The following ALG1L2 variants were observed in gnomAD, a reference collection of about 807,000 sequenced individuals.
The protein encoded by ALG1L2 is putative glycosyltransferase ALG1L2.
A neutral mutation model predicts 29.0 loss-of-function variants in ALG1L2; 32 were observed. The observed-to-expected ratio is 1.10, with a 90% CI of 0.83 to 1.48. ALG1L2 has a LOEUF of 1.48. ALG1L2 is among the 40% of genes most tolerant of loss of function. The pLI is 0.00. For synonymous variants in ALG1L2, 110 were observed against 109.5 expected (o/e 1.00, Z -0.03); for missense variants, 318 against 274.1 (o/e 1.16, Z -1.13).
At chr3:130,093,221 C>G in intron 4 of ALG1L2, 61 bp downstream of exon 4, 1 of 1,553,902 alleles carries the variant, frequency 6.4e-7, no homozygotes, top group Non-Finnish European at 8.9e-7. Context: ...GAGGGGCACA[C>G]AGCCTTTACC....
rs372463963 is a variant in ALG1L2, at chr3:130,082,148, G to A, written c.20+112G>A. 950 of 1,308,916 alleles carry A rather than the reference G, an allele frequency of 7.3e-4. 2 individuals are homozygous for A. In the African/African-American group the frequency reaches 0.011, roughly 15 times the overall value. 81.1% of individuals were successfully genotyped at this position (1,308,916 alleles called of 1,614,324 possible). A position where few individuals can be genotyped will look rare whatever the true frequency, so the allele number is the denominator to read the frequency against. On this transcript the variant is annotated intron_variant, in intron 1 of 7. Coordinates refer to ENST00000425059, the MANE Select transcript of ALG1L2 (RefSeq NM_001136152.1). ...GAAATCAGGGTACAGGCAGTCCTCCGGAGTAGAAATGAGGAAGGTGCCAAC... is the reference window on the plus strand; with the variant it reads ...GAAATCAGGGTACAGGCAGTCCTCCAGAGTAGAAATGAGGAAGGTGCCAAC...
chr3:130,097,344 G>C, intron 7 of ALG1L2, 94 bp downstream of exon 7: 1 of 1,526,268 alleles, frequency 6.6e-7, no homozygotes, highest in Non-Finnish European at 8.7e-7. Flanking sequence ...AGCCAGGGTG[G>C]GACCATGCGG....
chr3:130,094,318 C>T, intron 4 of ALG1L2, 85 bp from the exon 5 acceptor site: 4 of 1,513,674 alleles, frequency 2.6e-6, no homozygotes, highest in Non-Finnish European at 3.6e-6. Context: ...AAAAGGATCC[C>T]TCCTAGGGGG....
rs757436372 is a variant in ALG1L2, at chr3:130,094,547, G to A, written c.424+34G>A. 1.0e-5 allele frequency: 16 copies of A among 1,561,360 alleles called. No individual in the cohort carries two copies. The East Asian group carries it at 2.7e-4, about 26-fold the overall frequency. ...CCAGCAGGAGGCTCAGGGAGGAGGC[G>A]GGGCCTTATGCAGGGGGAACAGGGG... On this transcript the variant is annotated intron_variant, in intron 5 of 7. Coordinates refer to ENST00000425059, the MANE Select transcript of ALG1L2 (RefSeq NM_001136152.1).
chr3:130,096,171 C>A lies in ALG1L2; in HGVS notation c.539+8C>A. 1 of 1,611,472 alleles carries A rather than the reference C, an allele frequency of 6.2e-7. No homozygotes were observed. The highest frequency in any genetic ancestry group is 2.2e-5 in the East Asian group (1 of 44,854). ...TGCCGTGAACTTCAAGTGGTAGGAG[C>A]AGAACCCGAATTTTTTCTGGGGATA... On this transcript the variant is annotated splice_region_variant and intron_variant, in intron 6 of 7. Transcript: ENST00000425059.
chr3:130,090,922 C>G, intron 1 of ALG1L2: 1 of 301,304 alleles, frequency 3.3e-6, no homozygotes. Flanking sequence ...GAGCAACAGA[C>G]TAAGACATTC....
chr3:130,087,499 C>CATA (rs1934917458), intron 1 of ALG1L2, among the ~76,000 whole-genome samples: 32 of 148,630 alleles, frequency 2.2e-4, no homozygotes, highest in Admixed American at 7.5e-4. Context: ...TGAATGAGGT[C>CATA]CATTAGAAAA....
rs1319154885 is a variant in ALG1L2, at chr3:130,084,503, C to T, written c.20+2467C>T. ...TTACTGAACCTCTCTGTGCTGCAGA[C>T]ATCATGGATAAAAAGAAGCTAAAAT... is the stretch of plus-strand genomic sequence containing the variant. On this transcript the variant is annotated intron_variant, in intron 1 of 7. Transcript: ENST00000425059. Among the ~76,000 whole-genome samples the T allele has an allele frequency of 8.3e-5, 11 of 132,452 alleles. 2 individuals carry two copies. The highest frequency in any genetic ancestry group is 1.7e-4 in the Non-Finnish European group (10 of 57,184). The allele number at this position is 132,452 out of a possible 152,430, so 86.9% of individuals were successfully genotyped here. A position where few individuals can be genotyped will look rare whatever the true frequency, so the allele number is the denominator to read the frequency against.
In ALG1L2 at chr3:130,092,233, C is replaced by T; in HGVS notation, c.253+11C>T. On this transcript the variant is annotated intron_variant, in intron 3 of 7. Coordinates refer to ENST00000425059, the MANE Select transcript of ALG1L2 (RefSeq NM_001136152.1). ...GCACAAGCTGGACAGGTCTGCATGACCACTGGGGCACTTGGGGTTGGTGTG... is the reference window on the plus strand; with the variant it reads ...GCACAAGCTGGACAGGTCTGCATGATCACTGGGGCACTTGGGGTTGGTGTG... 2 of 1,606,702 alleles carry T rather than the reference C, an allele frequency of 1.2e-6. No individual in the cohort carries two copies. Among genetic ancestry groups the T allele is most frequent in the African/African-American group, 2.7e-5 (2 of 74,784 alleles).
chr3:130,097,077 C>G, intron 6 of ALG1L2, 98 bp from the exon 7 acceptor site: 1 of 1,549,710 alleles, frequency 6.5e-7, no homozygotes. Flanking sequence ...AACCCCCAGC[C>G]TGGCTTGAGC....
intron 6 of ALG1L2, 106 bp downstream of exon 6, chr3:130,096,269 C>T (rs939691281): frequency 4.8e-5 from 61 of 1,281,850 alleles, no homozygotes; most frequent in Non-Finnish European, 5.9e-5. Flanking sequence ...GCCCCTCGGT[C>T]AGTCCAGCAC....
chr3:130,095,247 T>C (rs995975915), intron 5 of ALG1L2, among the ~76,000 whole-genome samples: 2 of 152,040 alleles, frequency 1.3e-5, no homozygotes, highest in Non-Finnish European at 2.9e-5. Context: ...GCCAGGCTGG[T>C]CTTGAACTCC....
At position 130,097,306 on chromosome 3, in the gene ALG1L2, G is replaced by A. The variant is rs7650058; in HGVS notation, c.615+56G>A. On this transcript the variant is annotated intron_variant, in intron 7 of 7. Coordinates refer to ENST00000425059, the MANE Select transcript of ALG1L2 (RefSeq NM_001136152.1). Reference sequence around the variant, plus strand: ...ACAGGGTTCTGGAGACTGGCACCGAGCCATGCTCCCTGATCCCTGTTTCAC... The same window carrying A: ...ACAGGGTTCTGGAGACTGGCACCGAACCATGCTCCCTGATCCCTGTTTCAC... The A allele has an allele frequency of 2.6e-3, 4,186 of 1,591,544 alleles. 84 individuals carry two copies. The African/African-American group carries it at 0.049, about 19-fold the overall frequency.
intron 5 of ALG1L2, among the ~76,000 whole-genome samples, chr3:130,095,833 A>T (rs1935117446): frequency 6.6e-6 from 1 of 152,170 alleles, no homozygotes; most frequent in Non-Finnish European, 1.5e-5. Flanking sequence ...AAAAAAATCA[A>T]ATTGTGGTTA....
At chr3:130,095,004 T>C (rs1935099631) in intron 5 of ALG1L2, among the ~76,000 whole-genome samples, 1 of 152,328 alleles carries the variant, frequency 6.6e-6, no homozygotes, top group South Asian at 2.1e-4. Flanking sequence ...AGCAGAGCTG[T>C]TGGAGGCTGA....
chr3:130,098,179 G>A (rs775336490), intron 7 of ALG1L2, 44 bp from the exon 8 acceptor site: 4 of 1,595,942 alleles, frequency 2.5e-6, no homozygotes, highest in South Asian at 1.1e-5. Flanking sequence ...GTGGTGACCT[G>A]GGATGGGGTG....
intron 1 of ALG1L2, 22 bp from the exon 2 acceptor site, chr3:130,091,239 C>T (rs754451148): frequency 1.3e-6 from 2 of 1,592,772 alleles, no homozygotes. Context: ...AATGCAATAG[C>T]CCTGCCATGA....
chr3:130,082,376 C>A (rs1487003468), intron 1 of ALG1L2, among the ~76,000 whole-genome samples: 1 of 104,180 alleles, frequency 9.6e-6, no homozygotes, highest in African/African-American at 3.2e-5. Context: ...GAGTCTCTGT[C>A]GCCCAGGCTG....
intron 6 of ALG1L2, 117 bp downstream of exon 6, chr3:130,096,280 A>G: frequency 8.7e-7 from 1 of 1,153,754 alleles, no homozygotes; most frequent in Non-Finnish European, 1.2e-6. Context: ...AGTCCAGCAC[A>G]CACTGGAGGC....
Sources: gnomAD v4.1 joint callset for allele counts (sites outside exome capture counted in the v4.1 genomes callset) on GRCh38, gnomAD v4.1.1 for gene constraint, MANE v1.5 for transcripts, NCBI Gene and HGNC (gene_info 2026-07-23, HGNC 2026-07-21) for gene names.